PDE3A: variants seen among roughly 807,000 people sequenced by gnomAD.
PDE3A encodes the protein cGMP-inhibited 3',5'-cyclic phosphodiesterase 3A.
In PDE3A, 43 loss-of-function variants were observed where a neutral mutation model predicts 98.3. The observed-to-expected ratio is 0.44, with a 90% CI of 0.34 to 0.56. PDE3A has a LOEUF of 0.56. PDE3A is among the 20% of genes least tolerant of loss of function. PDE3A has a pLI of 0.01. For synonymous variants in PDE3A, 663 were observed against 567.9 expected (o/e 1.17, Z -2.38); for missense variants, 1,427 against 1,440.7 (o/e 0.99, Z 0.15).
rs949007989 is a variant in PDE3A at position 20,369,380 on chromosome 12, T to G, written c.96T>G (p.Arg32=). ...CGGCGGGCCGGGACTGCCACCATCGTGCGGACCCCGCATCGCCGCGGGACT... is the reference window on the plus strand; with the variant it reads ...CGGCGGGCCGGGACTGCCACCATCGGGCGGACCCCGCATCGCCGCGGGACT... ...APTAGRDCHH[R]ADPASPRDSG... Residue 32 remains arginine (R), a synonymous_variant, in exon 1 of 16, where the codon CGT becomes CGG. Transcript: ENST00000359062. 2 of 1,550,166 alleles carry G rather than the reference T, an allele frequency of 1.3e-6. No individual in the cohort carries two copies. The highest frequency in any genetic ancestry group is 2.7e-5 in the African/African-American group (2 of 73,090).
intron 1 of PDE3A, among the ~76,000 whole-genome samples, chr12:20,441,404 T>A (rs368990602): frequency 6.6e-6 from 1 of 152,130 alleles, no homozygotes; most frequent in South Asian, 2.1e-4. Flanking sequence ...GTGAAAAAAA[T>A]ATGGTATTGA....
chr12:20,597,372 A>G (rs960286241), intron 2 of PDE3A, among the ~76,000 whole-genome samples: 1 of 152,142 alleles, frequency 6.6e-6, no homozygotes, highest in Non-Finnish European at 1.5e-5. Flanking sequence ...TAGGTGTTGG[A>G]TCTATGAGAC....
At chr12:20,490,264 G>T (rs533446767) in intron 1 of PDE3A, among the ~76,000 whole-genome samples, 1 of 152,092 alleles carries the variant, frequency 6.6e-6, no homozygotes, top group South Asian at 2.1e-4. Flanking sequence ...TTAGTTCTTG[G>T]TTGCCATTTA....
intron 1 of PDE3A, among the ~76,000 whole-genome samples, chr12:20,433,008 C>T (rs906972682): frequency 6.6e-6 from 1 of 152,164 alleles, no homozygotes; most frequent in Non-Finnish European, 1.5e-5. Flanking sequence ...CAGGAATTCT[C>T]TTGATTTTGC....
intron 1 of PDE3A, among the ~76,000 whole-genome samples, chr12:20,460,125 C>G (rs1291125270): frequency 6.6e-6 from 1 of 152,200 alleles, no homozygotes; most frequent in Non-Finnish European, 1.5e-5. Flanking sequence ...AAAAAATAGC[C>G]TATACTTCTT....
intron 2 of PDE3A, among the ~76,000 whole-genome samples, chr12:20,586,334 T>C (rs1943197555): frequency 6.6e-6 from 1 of 152,186 alleles, no homozygotes; most frequent in South Asian, 2.1e-4. Context: ...TACAGCACTC[T>C]TATTATTTCT....
intron 1 of PDE3A, among the ~76,000 whole-genome samples, chr12:20,480,218 A>T (rs967404719): frequency 3.3e-5 from 5 of 152,188 alleles, no homozygotes; most frequent in Admixed American, 3.3e-4. Flanking sequence ...AATGAGAGGG[A>T]TTTGGCAGTT....
intron 15 of PDE3A, among the ~76,000 whole-genome samples, chr12:20,654,660 CT>C (rs71442265): frequency 0.19 from 16,495 of 85,792 alleles, 256 homozygotes; most frequent in East Asian, 0.31. Flanking sequence ...CTACACCCGG[CT>C]TTTTTTTTTT....
At position 20,369,538 on chromosome 12, in the gene PDE3A, T is replaced by A; in HGVS notation, c.254T>A (p.Val85Asp). Residue 85 changes from valine (V) to aspartate (D), a missense_variant, in exon 1 of 16, where the codon GTC (valine) becomes GAC (aspartate). Coordinates refer to ENST00000359062, the MANE Select transcript of PDE3A (RefSeq NM_000921.5). ...ALLVRLVRGE[V>D]GCDLEQCKEA... ...CTGGTGAGGCTGGTCCGCGGGGAGG[T>A]CGGCTGTGACCTGGAGCAGTGTAAG... 6.4e-7 allele frequency: 1 copy of A among 1,556,372 alleles called. No individual in the cohort carries two copies. Among genetic ancestry groups the A allele is most frequent in the Non-Finnish European group, 8.7e-7 (1 of 1,150,592 alleles).
intron 1 of PDE3A, among the ~76,000 whole-genome samples, chr12:20,406,524 T>C (rs1944236368): frequency 6.6e-6 from 1 of 152,208 alleles, no homozygotes; most frequent in Non-Finnish European, 1.5e-5. Flanking sequence ...TTGTATGTCT[T>C]CTTTAAAAAT....
At chr12:20,661,068 T>C (rs1274681542) in intron 15 of PDE3A, among the ~76,000 whole-genome samples, 28 of 152,250 alleles carry the variant, frequency 1.8e-4, no homozygotes, top group Admixed American at 1.8e-3. Context: ...AACAATGAAG[T>C]CCAGGCTGAG....
At chr12:20,671,510 T>C (rs1340131703) in intron 15 of PDE3A, among the ~76,000 whole-genome samples, 5 of 151,702 alleles carry the variant, frequency 3.3e-5, no homozygotes, top group Non-Finnish European at 7.4e-5. Context: ...AATGATCAAG[T>C]GGGCTTCATC....
chr12:20,385,992 T>A lies in PDE3A; in HGVS notation c.960+15748T>A, dbSNP rs1418798426. ...ATTAATTATTAATATATAATATATA[T>A]AAAATATATATATAAATATATATAA... On this transcript the variant is annotated intron_variant, in intron 1 of 15. Transcript: ENST00000359062. 1.9e-5 allele frequency among the ~76,000 whole-genome samples: 2 copies of A among 103,010 alleles called. 1 individual carries two copies. Among genetic ancestry groups the A allele is most frequent in the African/African-American group, 9.4e-5 (2 of 21,286 alleles). 67.6% of individuals were successfully genotyped at this position (103,010 alleles called of 152,430 possible).
intron 1 of PDE3A, among the ~76,000 whole-genome samples, chr12:20,435,856 AT>A (rs1387107324): frequency 1.3e-5 from 2 of 152,140 alleles, no homozygotes; most frequent in Non-Finnish European, 2.9e-5. Context: ...TGGGCAAACA[AT>A]TTAAATAAGG....
intron 1 of PDE3A, among the ~76,000 whole-genome samples, chr12:20,542,543 A>G (rs113950114): frequency 1.3e-5 from 2 of 151,942 alleles, no homozygotes; most frequent in African/African-American, 4.8e-5. Flanking sequence ...TATCAAAGCA[A>G]TGTTTATGTT....
chr12:20,664,857 A>T (rs1592161854), intron 15 of PDE3A, among the ~76,000 whole-genome samples: 1 of 152,052 alleles, frequency 6.6e-6, no homozygotes, highest in East Asian at 1.9e-4. Context: ...ACACCCTCAA[A>T]TATACTCCTC....
intron 1 of PDE3A, among the ~76,000 whole-genome samples, chr12:20,492,228 C>T (rs184965676): frequency 6.8e-4 from 103 of 152,218 alleles, no homozygotes; most frequent in Non-Finnish European, 1.3e-3. Flanking sequence ...TGATCCTCCT[C>T]CCACCTCGCC....
At chr12:20,389,323 A>G (rs1012146798) in intron 1 of PDE3A, among the ~76,000 whole-genome samples, 2 of 151,948 alleles carry the variant, frequency 1.3e-5, no homozygotes, top group East Asian at 1.9e-4. Flanking sequence ...CAATTTTTCC[A>G]TAAAACTAGA....
At chr12:20,456,394 C>G (rs975158125) in intron 1 of PDE3A, among the ~76,000 whole-genome samples, 3 of 151,996 alleles carry the variant, frequency 2.0e-5, no homozygotes, top group African/African-American at 7.2e-5. Flanking sequence ...TTTAATAAAA[C>G]AAGTATTAGT....
Sources: allele counts gnomAD v4.1 joint callset (sites outside exome capture counted in the v4.1 genomes callset), GRCh38; gene constraint gnomAD v4.1.1; transcripts MANE v1.5; gene names NCBI Gene and HGNC (gene_info 2026-07-23, HGNC 2026-07-21).